Variants in COL4A6 observed in about 807,000 individuals in gnomAD.
The protein encoded by COL4A6 is collagen alpha-6(IV) chain.
In COL4A6, 59 loss-of-function variants were observed where a neutral mutation model predicts 126.7. The ratio of observed to expected loss-of-function variants is 0.47; its 90% CI spans 0.38 to 0.58. COL4A6 has a LOEUF of 0.58. Ranked by LOEUF, COL4A6 falls within the 20% of genes least tolerant of loss-of-function variation. The pLI, the probability that COL4A6 is intolerant of heterozygous loss-of-function variation, is 0.00. For synonymous variants in COL4A6, 547 were observed against 496.6 expected, an observed-to-expected ratio of 1.10 and a Z score of -1.35; for missense variants, 1,285 against 1,337.3, an observed-to-expected ratio of 0.96 and a Z score of 0.61.
At chrX:108,321,638 T>C (rs1220831561) in intron 2 of COL4A6, among the ~76,000 whole-genome samples, 1 of 111,256 alleles carries the variant, frequency 9.0e-6, no homozygotes, top group Non-Finnish European at 1.9e-5. Flanking sequence ...GTTGGTATCA[T>C]TTGCTAGTTA....
At chrX:108,366,431 T>G (rs886441840) in intron 2 of COL4A6, among the ~76,000 whole-genome samples, 11 of 112,338 alleles carry the variant, frequency 9.8e-5, no homozygotes, top group Admixed American at 4.7e-4. Flanking sequence ...TATCTTCACA[T>G]TATTCCAATC....
intron 3 of COL4A6, among the ~76,000 whole-genome samples, chrX:108,292,246 C>T (rs111839580): frequency 1.2e-3 from 137 of 112,227 alleles, no homozygotes; most frequent in African/African-American, 3.9e-3. Context: ...ACCATTGTCT[C>T]CTCCTTCCAC....
At position 108,165,683 on chromosome X, in the gene COL4A6, G is replaced by A. The variant is rs2034108928; in HGVS notation, c.3692-197C>T. Among the ~76,000 whole-genome samples, 4 of 111,840 alleles carry A rather than the reference G, an allele frequency of 3.6e-5. No homozygotes were observed. In the South Asian group the frequency reaches 1.5e-3, roughly 43 times the overall value. On this transcript the variant is annotated intron_variant, in intron 37 of 44. Transcript: ENST00000334504. ...GCAGACTAACTGACAAGGGCTCAGA[G>A]ACTCCCCTTTTCCAGCTGGAGCTGC... is the stretch of plus-strand genomic sequence containing the variant.
At chrX:108,271,661 A>G (rs1384399253) in intron 3 of COL4A6, among the ~76,000 whole-genome samples, 1 of 110,902 alleles carries the variant, frequency 9.0e-6, no homozygotes, top group East Asian at 2.8e-4. Context: ...CCCAGCGAAA[A>G]ACACAAATCA....
intron 13 of COL4A6, 36 bp from the exon 14 acceptor site, chrX:108,196,615 G>A (rs2035226403): frequency 9.0e-7 from 1 of 1,109,202 alleles, no homozygotes; most frequent in Non-Finnish European, 1.2e-6. Context: ...TATAACGTTT[G>A]TTTTCTTGTC....
At chrX:108,339,691 A>C (rs1243768723) in intron 2 of COL4A6, among the ~76,000 whole-genome samples, 1 of 111,414 alleles carries the variant, frequency 9.0e-6, no homozygotes, top group African/African-American at 3.3e-5. Flanking sequence ...CCCAGAGCAC[A>C]GACTTCAGAT....
At chrX:108,388,058 G>A (rs1368046623) in intron 2 of COL4A6, among the ~76,000 whole-genome samples, 3 of 112,072 alleles carry the variant, frequency 2.7e-5, no homozygotes, top group African/African-American at 9.7e-5. Flanking sequence ...GCATCCCCAG[G>A]ATGAAGCCAA....
At chrX:108,192,846 A>G (rs2035093942) in intron 17 of COL4A6, among the ~76,000 whole-genome samples, 1 of 112,591 alleles carries the variant, frequency 8.9e-6, no homozygotes, top group African/African-American at 3.2e-5. Context: ...TTCTTCTTCT[A>G]CCACTAATCT....
At chrX:108,181,832 A>G (rs2148125457) in intron 23 of COL4A6, among the ~76,000 whole-genome samples, 1 of 112,340 alleles carries the variant, frequency 8.9e-6, no homozygotes, top group Non-Finnish European at 1.9e-5. Flanking sequence ...TTTACAAACA[A>G]TTGCTATGCT....
intron 3 of COL4A6, among the ~76,000 whole-genome samples, chrX:108,285,637 G>C (rs2037986053): frequency 9.0e-6 from 1 of 111,473 alleles, no homozygotes; most frequent in Admixed American, 9.5e-5. Context: ...AGCCAGCCAT[G>C]ACACTTGGTT....
At chrX:108,188,407 T>A in intron 21 of COL4A6, 110 bp downstream of exon 21, 3 of 793,702 alleles carry the variant, frequency 3.8e-6, no homozygotes, top group Non-Finnish European at 5.1e-6. Flanking sequence ...CCCAAAACTT[T>A]GTTTTAATCC....
chrX:108,224,931 T>C (rs1300270071), intron 3 of COL4A6, among the ~76,000 whole-genome samples: 1 of 108,663 alleles, frequency 9.2e-6, no homozygotes, highest in Admixed American at 1.0e-4. Context: ...TAGGTGGGCC[T>C]CTCCCTCTAC....
At chrX:108,392,241 C>A (rs1465456025) in intron 2 of COL4A6, among the ~76,000 whole-genome samples, 1 of 111,141 alleles carries the variant, frequency 9.0e-6, no homozygotes, top group East Asian at 2.8e-4. Flanking sequence ...AAAGCATGAA[C>A]AACAAGAAAA....
At chrX:108,436,031 C>T (rs1037222446) in intron 2 of COL4A6, among the ~76,000 whole-genome samples, 2 of 111,359 alleles carry the variant, frequency 1.8e-5, no homozygotes, top group African/African-American at 6.5e-5. Flanking sequence ...AAAAGAAAAA[C>T]AAAACAACCC....
intron 2 of COL4A6, among the ~76,000 whole-genome samples, chrX:108,312,857 T>C (rs1469794701): frequency 1.8e-5 from 2 of 109,748 alleles, no homozygotes; most frequent in Non-Finnish European, 3.8e-5. Context: ...TGGTCTATAG[T>C]AGATGAAAAA....
chrX:108,204,640 T>C (rs2035492204), intron 11 of COL4A6: 3 of 470,818 alleles, frequency 6.4e-6, no homozygotes, highest in South Asian at 5.7e-5. Context: ...GCAAGATGGA[T>C]AGAAGGAAAC....
intron 2 of COL4A6, among the ~76,000 whole-genome samples, chrX:108,390,227 G>A (rs2040804373): frequency 1.8e-5 from 2 of 110,648 alleles, no homozygotes; most frequent in African/African-American, 6.6e-5. Flanking sequence ...TCTTCTGGAG[G>A]AGTATTTTTG....
At chrX:108,364,851 C>T (rs1457283846) in intron 2 of COL4A6, among the ~76,000 whole-genome samples, 1 of 111,377 alleles carries the variant, frequency 9.0e-6, no homozygotes, top group Non-Finnish European at 1.9e-5. Context: ...TAATCATCTG[C>T]TAATGGACGC....
chrX:108,265,154 A>T (rs1345621512), intron 3 of COL4A6, among the ~76,000 whole-genome samples: 3 of 111,356 alleles, frequency 2.7e-5, no homozygotes, highest in Non-Finnish European at 5.7e-5. Context: ...AGGTCCCTAT[A>T]CTGCTTTGAC....
Sources: allele counts gnomAD v4.1 joint callset (sites outside exome capture counted in the v4.1 genomes callset), GRCh38; gene constraint gnomAD v4.1.1; transcripts MANE v1.5; gene names NCBI Gene and HGNC (gene_info 2026-07-23, HGNC 2026-07-21).